TRAPPC11: variants seen among roughly 807,000 people sequenced by gnomAD.
TRAPPC11 encodes the protein trafficking protein particle complex subunit 11.
In TRAPPC11, 104 loss-of-function variants were observed where a neutral mutation model predicts 151.2. The observed-to-expected ratio is 0.69, with a 90% CI of 0.59 to 0.81. The LOEUF (loss-of-function observed/expected upper bound fraction) is 0.81. Ranked by LOEUF, TRAPPC11 falls within the 30% of genes least tolerant of loss-of-function variation. The pLI is 0.00. For missense variants in TRAPPC11, 1,230 were observed against 1,349.6 expected, an observed-to-expected ratio of 0.91 and a Z score of 1.39; for synonymous variants, 456 against 472.3, an observed-to-expected ratio of 0.97 and a Z score of 0.45.
At chr4:183,663,315 C>T (rs1009677723) in intron 1 of TRAPPC11, among the ~76,000 whole-genome samples, 1 of 152,152 alleles carries the variant, frequency 6.6e-6, no homozygotes. Context: ...CTCACTGCAA[C>T]CTCCACCTCC....
intron 26 of TRAPPC11, among the ~76,000 whole-genome samples, chr4:183,702,720 A>G (rs1170010759): frequency 6.6e-6 from 1 of 152,212 alleles, no homozygotes; most frequent in Admixed American, 6.5e-5. Flanking sequence ...AGGAAGATTC[A>G]ATTGTATCAT....
chr4:183,676,241 C>T (rs1486154497), intron 7 of TRAPPC11, among the ~76,000 whole-genome samples: 1 of 151,988 alleles, frequency 6.6e-6, no homozygotes, highest in African/African-American at 2.4e-5. Context: ...CCTCTGCCTA[C>T]TGGATTCAAG....
At position 183,712,809 on chromosome 4, in the gene TRAPPC11, G is replaced by A; in HGVS notation, c.*165G>A. 1.8e-6 allele frequency: 1 copy of A among 545,002 alleles called. No individual in the cohort carries two copies. 33.8% of individuals were successfully genotyped at this position (545,002 alleles called of 1,614,324 possible). ...AGGAACTCATACTTCAAAAATATTA[G>A]GAAAATCTGTCTTATAGTTTCTCTA... is the stretch of plus-strand genomic sequence containing the variant. On this transcript the variant is annotated 3_prime_UTR_variant, in exon 30 of 30. Coordinates refer to ENST00000334690, the MANE Select transcript of TRAPPC11 (RefSeq NM_021942.6).
At chr4:183,687,674 T>C (rs1407107410) in intron 18 of TRAPPC11, among the ~76,000 whole-genome samples, 2 of 152,172 alleles carry the variant, frequency 1.3e-5, no homozygotes, top group African/African-American at 4.8e-5. Flanking sequence ...ATAAGGTATA[T>C]TCAGAATGAA....
At chr4:183,661,116 A>C (rs1053956792) in intron 1 of TRAPPC11, among the ~76,000 whole-genome samples, 1 of 152,064 alleles carries the variant, frequency 6.6e-6, no homozygotes, top group Non-Finnish European at 1.5e-5. Flanking sequence ...TGTCCTAAAA[A>C]TATTTAAACA....
At chr4:183,665,238 G>A (rs1734801340) in intron 2 of TRAPPC11, among the ~76,000 whole-genome samples, 1 of 151,792 alleles carries the variant, frequency 6.6e-6, no homozygotes, top group Non-Finnish European at 1.5e-5. Context: ...GGGACTACAG[G>A]CGCCCGCCAC....
intron 2 of TRAPPC11, among the ~76,000 whole-genome samples, chr4:183,665,927 TA>T (rs1166326597): frequency 1.6e-5 from 2 of 124,262 alleles, no homozygotes; most frequent in African/African-American, 5.4e-5. Context: ...GGAAATGGGC[TA>T]CTTTTTTTTT....
chr4:183,675,102 C>T, intron 6 of TRAPPC11, 62 bp from the exon 7 acceptor site: 2 of 877,000 alleles, frequency 2.3e-6, no homozygotes, highest in Admixed American at 6.8e-5. Flanking sequence ...TCATAATAAA[C>T]ATTATAATTT....
chr4:183,663,942 G>A lies in TRAPPC11; in HGVS notation c.75G>A (p.Leu25=), dbSNP rs1444239174. 5 of 1,614,146 alleles carry A rather than the reference G, an allele frequency of 3.1e-6. No individual in the cohort carries two copies. In the Admixed American group the frequency reaches 6.7e-5, roughly 22 times the overall value. ...TGGCCTTTGTTACTCTAACGGGCCT[G>A]GATGTAGTTTATAATGCAGTCCATC... The part of the protein sequence containing the change: ...RPMAFVTLTG[L]DVVYNAVHRA... The change falls in exon 2 of 30, where the codon CTG becomes CTA. Residue 25 remains leucine, a synonymous_variant. Coordinates refer to ENST00000334690, the MANE Select transcript of TRAPPC11 (RefSeq NM_021942.6).
Position 183,713,368 on chromosome 4 carries a change from G to A in TRAPPC11, c.*724G>A, listed in dbSNP as rs1031831211. The A allele has an allele frequency of 6.6e-6, 1 of 152,622 alleles. No individual in the cohort carries two copies. Among genetic ancestry groups the A allele is most frequent in the Non-Finnish European group, 1.5e-5 (1 of 68,030 alleles). 9.5% of individuals were successfully genotyped at this position (152,622 alleles called of 1,614,324 possible). A position where few individuals can be genotyped will look rare whatever the true frequency, so the allele number is the denominator to read the frequency against. On this transcript the variant is annotated 3_prime_UTR_variant, in exon 30 of 30. Transcript: ENST00000334690. ...TAGACTGAAAGTTTTTGGAAAAGAT[G>A]CAGGGTCTGAGTCAGGCCTTCTGGT...
intron 29 of TRAPPC11, 24 bp downstream of exon 29, chr4:183,708,598 T>A: frequency 6.2e-7 from 1 of 1,605,558 alleles, no homozygotes; most frequent in East Asian, 2.2e-5. Flanking sequence ...ATTTTCTGCT[T>A]TTTAAATTCA....
chr4:183,663,332 C>T (rs2111286501), intron 1 of TRAPPC11, among the ~76,000 whole-genome samples: 1 of 152,310 alleles, frequency 6.6e-6, no homozygotes, highest in African/African-American at 2.4e-5. Context: ...CTCCCGGGTT[C>T]ACGCCATTCT....
chr4:183,669,673 G>C (rs1224882475), intron 5 of TRAPPC11, among the ~76,000 whole-genome samples: 3 of 152,200 alleles, frequency 2.0e-5, no homozygotes, highest in Non-Finnish European at 4.4e-5. Flanking sequence ...GGGGGTTGCT[G>C]TATTGGCTTC....
intron 1 of TRAPPC11, among the ~76,000 whole-genome samples, chr4:183,660,399 AAATATGTCATT>A (rs1734416046): frequency 6.6e-6 from 1 of 152,226 alleles, no homozygotes; most frequent in Non-Finnish European, 1.5e-5. Context: ...AAAAAAGGTA[AAATATGTCATT>A]AATAACTTTT....
intron 18 of TRAPPC11, among the ~76,000 whole-genome samples, chr4:183,688,035 A>G (rs1736075355): frequency 6.6e-6 from 1 of 152,238 alleles, no homozygotes; most frequent in Non-Finnish European, 1.5e-5. Context: ...GTAGATAATC[A>G]TCTTTTGATT....
intron 20 of TRAPPC11, 54 bp from the exon 21 acceptor site, chr4:183,693,535 T>C: frequency 6.5e-7 from 1 of 1,549,026 alleles, no homozygotes; most frequent in Non-Finnish European, 8.7e-7. Flanking sequence ...TTTATTTGAA[T>C]AATTTATTTG....
At chr4:183,673,119 C>T (rs1735237356) in intron 5 of TRAPPC11, among the ~76,000 whole-genome samples, 1 of 151,940 alleles carries the variant, frequency 6.6e-6, no homozygotes, top group South Asian at 2.1e-4. Flanking sequence ...CCCACCACCA[C>T]ACCTGGCCAA....
At chr4:183,661,982 C>T (rs1734575156) in intron 1 of TRAPPC11, among the ~76,000 whole-genome samples, 1 of 151,940 alleles carries the variant, frequency 6.6e-6, no homozygotes, top group African/African-American at 2.4e-5. Flanking sequence ...CCAGGCCAGT[C>T]TTGAACTCCT....
intron 22 of TRAPPC11, among the ~76,000 whole-genome samples, 194 bp from the exon 23 acceptor site, chr4:183,694,410 G>A (rs893236302): frequency 3.9e-5 from 6 of 152,148 alleles, no homozygotes; most frequent in African/African-American, 1.4e-4. Context: ...CTTATACTGT[G>A]GCCACAGTGT....
Sources: gnomAD v4.1 joint callset for allele counts (sites outside exome capture counted in the v4.1 genomes callset) on GRCh38, gnomAD v4.1.1 for gene constraint, MANE v1.5 for transcripts, NCBI Gene and HGNC (gene_info 2026-07-23, HGNC 2026-07-21) for gene names.